Variants in CACNA2D1 observed in about 807,000 individuals in gnomAD.
CACNA2D1 encodes the protein calcium voltage-gated channel auxiliary subunit alpha2delta 1.
A neutral mutation model predicts 171.5 loss-of-function variants in CACNA2D1; 53 were observed. The observed-to-expected ratio is 0.31, with a 90% CI of 0.25 to 0.39. CACNA2D1 has a LOEUF of 0.39. Ranked by LOEUF, CACNA2D1 falls within the 10% of genes least tolerant of loss-of-function variation. The pLI, the probability that CACNA2D1 is intolerant of heterozygous loss-of-function variation, is 1.00. For missense variants in CACNA2D1, 903 were observed against 1,299.8 expected, an observed-to-expected ratio of 0.69 and a Z score of 4.69; for synonymous variants, 442 against 443.1, an observed-to-expected ratio of 1.00 and a Z score of 0.03.
chr7:82,070,202 T>C (rs1197904099), intron 7 of CACNA2D1, among the ~76,000 whole-genome samples: 1 of 152,214 alleles, frequency 6.6e-6, no homozygotes, highest in Non-Finnish European at 1.5e-5. Context: ...GGTAGATGAC[T>C]GTCATTAGAA....
At chr7:82,397,559 A>G (rs1336719568) in intron 1 of CACNA2D1, among the ~76,000 whole-genome samples, 1 of 152,230 alleles carries the variant, frequency 6.6e-6, no homozygotes, top group Non-Finnish European at 1.5e-5. Context: ...CAGAGTACAC[A>G]AAACAGTGAA....
chr7:82,320,802 G>A (rs183898801), intron 3 of CACNA2D1, among the ~76,000 whole-genome samples: 96 of 151,854 alleles, frequency 6.3e-4, no homozygotes, highest in Non-Finnish European at 1.1e-3. Context: ...GTAAAGATGT[G>A]CTATAAACAG....
chr7:82,038,169 T>G lies in CACNA2D1; in HGVS notation c.946A>C (p.Lys316Gln). ...HLVQANVRNK[K>Q]VLKDAVNNIT... ...TTATTCACCGCGTCTTTCAACACTTTTTTATTTCTTACATTTGCTTGGACA... is the reference window on the plus strand; with the variant it reads ...TTATTCACCGCGTCTTTCAACACTTGTTTATTTCTTACATTTGCTTGGACA... Residue 316 changes from lysine to glutamine, a missense_variant, in exon 11 of 39, where the codon AAA (lysine) becomes CAA (glutamine). Around this residue, in one of 5 missense-constraint regions of CACNA2D1, gnomAD observed 623 missense variants for 925.5 expected, o/e 0.67. Coordinates refer to ENST00000356860, the MANE Select transcript of CACNA2D1 (RefSeq NM_000722.4). The G allele has an allele frequency of 3.1e-6, 5 of 1,613,850 alleles. No homozygotes were observed. The highest frequency in any genetic ancestry group is 4.2e-6 in the Non-Finnish European group (5 of 1,179,862).
rs111970286 is a variant in CACNA2D1 at position 82,280,787 on chromosome 7, T to G, written c.294+54348A>C. Among the ~76,000 whole-genome samples, 192 of 152,292 alleles carry G rather than the reference T, an allele frequency of 1.3e-3. No homozygotes were observed. The Middle Eastern group carries it at 0.017, about 13-fold the overall frequency. ...GCCTTGAACTCTTGGGCTCCAGTGA[T>G]CCTCCCACCTCAGCCTCCTGTGTAG... On this transcript the variant is annotated intron_variant, in intron 3 of 38. Coordinates refer to ENST00000356860, the MANE Select transcript of CACNA2D1 (RefSeq NM_000722.4).
chr7:82,177,068 A>AC (rs1413202269), intron 3 of CACNA2D1, among the ~76,000 whole-genome samples: 2,214 of 55,228 alleles, frequency 0.04, 48 homozygotes, highest in Middle Eastern at 0.17. Flanking sequence ...ACAGGTCTCT[A>AC]TTTTTTTTTT....
chr7:82,336,883 C>T (rs780577871), intron 2 of CACNA2D1, among the ~76,000 whole-genome samples: 1 of 152,234 alleles, frequency 6.6e-6, no homozygotes, highest in African/African-American at 2.4e-5. Context: ...GTTCATTTCT[C>T]TATGCAGTCT....
At chr7:82,089,781 C>G (rs1365389439) in intron 6 of CACNA2D1, among the ~76,000 whole-genome samples, 1 of 152,202 alleles carries the variant, frequency 6.6e-6, no homozygotes, top group African/African-American at 2.4e-5. Context: ...TTGACGAGCT[C>G]TGAATCCAGT....
chr7:82,101,464 T>C (rs1812675431), intron 6 of CACNA2D1, among the ~76,000 whole-genome samples: 1 of 152,082 alleles, frequency 6.6e-6, no homozygotes. Flanking sequence ...ATAAGACAAA[T>C]GAAAATCTAA....
chr7:82,060,678 A>AT (rs569701673), intron 9 of CACNA2D1, 151 bp from the exon 10 acceptor site: 3 of 495,756 alleles, frequency 6.1e-6, no homozygotes, highest in Non-Finnish European at 1.0e-5. Context: ...AAAAAGTTAC[A>AT]TTTTTTGATA....
At chr7:82,005,742 C>T (rs757758790) in intron 17 of CACNA2D1, 23 bp downstream of exon 17, 2 of 1,508,232 alleles carry the variant, frequency 1.3e-6, no homozygotes, top group South Asian at 2.2e-5. Flanking sequence ...GAAAGGGTAT[C>T]AAAAGAGCAA....
chr7:82,014,582 G>T, intron 12 of CACNA2D1, 103 bp from the exon 13 acceptor site: 1 of 713,264 alleles, frequency 1.4e-6, no homozygotes, highest in Non-Finnish European at 2.5e-6. Context: ...CTTTCCAGTT[G>T]AATGATATGA....
At chr7:82,358,692 G>A (rs1820740829) in intron 1 of CACNA2D1, among the ~76,000 whole-genome samples, 4 of 151,408 alleles carry the variant, frequency 2.6e-5, no homozygotes, top group Middle Eastern at 3.4e-3. Flanking sequence ...TTCTGCTCGT[G>A]TGTGTGTGCG....
chr7:81,970,771 T>C (rs766774394), intron 26 of CACNA2D1, 34 bp from the exon 27 acceptor site: 60 of 1,341,640 alleles, frequency 4.5e-5, no homozygotes, highest in Non-Finnish European at 5.8e-5. Context: ...AAATGTTCTA[T>C]TGAACATATT....
chr7:82,248,924 T>G (rs958112713), intron 3 of CACNA2D1, among the ~76,000 whole-genome samples: 1 of 152,104 alleles, frequency 6.6e-6, no homozygotes, highest in Non-Finnish European at 1.5e-5. Flanking sequence ...GAGACCATCC[T>G]GGCTAATACG....
At chr7:82,360,498 C>T (rs570993743) in intron 1 of CACNA2D1, among the ~76,000 whole-genome samples, 1 of 152,230 alleles carries the variant, frequency 6.6e-6, no homozygotes, top group African/African-American at 2.4e-5. Context: ...AGAAGTTGTA[C>T]TACTTTCATT....
intron 10 of CACNA2D1, chr7:82,050,504 A>G (rs534946801): frequency 1.3e-5 from 9 of 689,438 alleles, no homozygotes; most frequent in African/African-American, 5.3e-5. Context: ...CAAGATGAGG[A>G]AGTCCCTGAT....
At chr7:82,192,454 TTGTGTTTGTG>T (rs1465766323) in intron 3 of CACNA2D1, among the ~76,000 whole-genome samples, 24 of 94,712 alleles carry the variant, frequency 2.5e-4, no homozygotes, top group African/African-American at 1.1e-3. Flanking sequence ...GTATGTGTGT[TTGTGTTTGTG>T]TGTGTGTGTG....
chr7:82,412,233 T>C (rs1385109768), intron 1 of CACNA2D1, among the ~76,000 whole-genome samples: 1 of 152,094 alleles, frequency 6.6e-6, no homozygotes, highest in Non-Finnish European at 1.5e-5. Flanking sequence ...TGTTCAGGGC[T>C]TCACTTACAT....
intron 12 of CACNA2D1, among the ~76,000 whole-genome samples, chr7:82,030,474 C>G (rs931670127): frequency 2.0e-5 from 3 of 150,884 alleles, no homozygotes; most frequent in Non-Finnish European, 4.4e-5. Context: ...TATTTATATA[C>G]TTTTAGTTAA....
Sources: allele counts gnomAD v4.1 joint callset (sites outside exome capture counted in the v4.1 genomes callset), GRCh38; gene constraint gnomAD v4.1.1; regional missense constraint gnomAD v4.1.1; transcripts MANE v1.5; gene names NCBI Gene and HGNC (gene_info 2026-07-23, HGNC 2026-07-21).